HPSE2: variants seen among roughly 807,000 people sequenced by gnomAD.
The protein encoded by HPSE2 is heparanase 2 (inactive), also known as inactive heparanase-2.
In HPSE2, 38 loss-of-function variants were observed where a neutral mutation model predicts 60.5. That is an observed-to-expected ratio of 0.63 (90% CI 0.48 to 0.82). The LOEUF (loss-of-function observed/expected upper bound fraction) is 0.82. Among genes scored for constraint, HPSE2 ranks in the 40% least tolerant of loss-of-function variants. HPSE2 has a pLI of 0.00. For missense variants in HPSE2, 713 were observed against 740.4 expected (o/e 0.96, Z 0.43); for synonymous variants, 295 against 293.2 (o/e 1.01, Z -0.06).
chr10:99,038,503 G>T (rs1957661084), intron 3 of HPSE2, among the ~76,000 whole-genome samples: 1 of 152,126 alleles, frequency 6.6e-6, no homozygotes, highest in South Asian at 2.1e-4. Flanking sequence ...TTGTTGCCAG[G>T]GTTTAGGAAT....
At chr10:99,264,173 TGCCTCC>T in the HPSE2 span, among the ~76,000 whole-genome samples, 1 of 143,722 alleles carries the variant, frequency 7.0e-6, no homozygotes, top group Admixed American at 7.1e-5. Flanking sequence ...CTGCAAGCTC[TGCCTCC>T]CGGATTCACA....
chr10:99,315,200 G>A, the HPSE2 span, among the ~76,000 whole-genome samples: 4 of 152,300 alleles, frequency 2.6e-5, no homozygotes, highest in East Asian at 3.9e-4. Flanking sequence ...TTTCACAGCC[G>A]TGAGCAAAAA....
At position 98,534,175 on chromosome 10, in the gene HPSE2, T is replaced by C. The variant is rs138396484; in HGVS notation, c.1321-43979A>G. On this transcript the variant is annotated intron_variant, in intron 9 of 11. Coordinates refer to ENST00000370552, the MANE Select transcript of HPSE2 (RefSeq NM_021828.5). ...TGCTCTGAAGATCTGACAACTACTATCTGTTTTATCCTACAAGGAAATGGA... is the reference window on the plus strand; with the variant it reads ...TGCTCTGAAGATCTGACAACTACTACCTGTTTTATCCTACAAGGAAATGGA... 1.5e-3 allele frequency among the ~76,000 whole-genome samples: 224 copies of C among 152,324 alleles called. 1 individual carries two copies. The highest frequency in any genetic ancestry group is 5.1e-3 in the African/African-American group (212 of 41,574).
chr10:99,250,140 C>CT, the HPSE2 span, among the ~76,000 whole-genome samples: 69,389 of 120,534 alleles, frequency 0.58, 19,779 homozygotes, highest in South Asian at 0.67. Context: ...AAAACTCCAT[C>CT]TCAAAAAAAA....
intron 4 of HPSE2, among the ~76,000 whole-genome samples, chr10:98,725,248 G>T (rs1361349606): frequency 1.3e-5 from 2 of 152,186 alleles, no homozygotes; most frequent in South Asian, 2.1e-4. Flanking sequence ...ATACTACTAG[G>T]CTACAGTAAC....
chr10:98,833,645 A>T (rs1375246931), intron 3 of HPSE2, among the ~76,000 whole-genome samples: 1 of 152,132 alleles, frequency 6.6e-6, no homozygotes, highest in Non-Finnish European at 1.5e-5. Flanking sequence ...GATGTTATGC[A>T]AGTTACTTAA....
chr10:98,658,386 G>C (rs552369751), intron 6 of HPSE2, among the ~76,000 whole-genome samples: 11 of 152,310 alleles, frequency 7.2e-5, no homozygotes, highest in African/African-American at 2.2e-4. Flanking sequence ...CACATCACAA[G>C]GTGTTATTTT....
In HPSE2 at chr10:98,662,669, T is replaced by C. The variant is rs578149979; in HGVS notation, c.1005-20729A>G. On this transcript the variant is annotated intron_variant, in intron 6 of 11. Coordinates refer to ENST00000370552, the MANE Select transcript of HPSE2 (RefSeq NM_021828.5). ...ACCCCTGTGACATGAGTTTACCTAA[T>C]AACAAACCTGCACATGTACCACTGA... Among the ~76,000 whole-genome samples, 8 of 152,310 alleles carry C rather than the reference T, an allele frequency of 5.3e-5. No homozygotes were observed. The South Asian group carries it at 1.7e-3, about 32-fold the overall frequency.
chr10:99,308,179 G>C, the HPSE2 span, among the ~76,000 whole-genome samples: 2 of 151,872 alleles, frequency 1.3e-5, no homozygotes, highest in African/African-American at 4.8e-5. Context: ...CCTGAGATCA[G>C]GAGTTCAAGA....
chr10:98,668,953 G>C (rs533160991), intron 6 of HPSE2, among the ~76,000 whole-genome samples: 1 of 152,154 alleles, frequency 6.6e-6, no homozygotes, highest in East Asian at 1.9e-4. Context: ...ATTAACAATG[G>C]AGTAAATAGC....
chr10:98,755,098 A>G (rs1380035124), intron 3 of HPSE2, among the ~76,000 whole-genome samples: 1 of 152,104 alleles, frequency 6.6e-6, no homozygotes, highest in Admixed American at 6.6e-5. Context: ...ATAAAGAAGC[A>G]AGACCCAACT....
chr10:98,627,612 T>C (rs1388945856), intron 7 of HPSE2, among the ~76,000 whole-genome samples: 1 of 152,222 alleles, frequency 6.6e-6, no homozygotes. Context: ...ATGAGTTGTA[T>C]TACCTGTCTG....
chr10:98,751,068 C>A lies in HPSE2; in HGVS notation c.611-7012G>T, dbSNP rs563345593. On this transcript the variant is annotated intron_variant, in intron 3 of 11. Coordinates refer to ENST00000370552, the MANE Select transcript of HPSE2 (RefSeq NM_021828.5). ...CTTAATGCTGAGCATCTACTTGAGT[C>A]TCACCTTCCTTGATTCCGTATTCAG... Among the ~76,000 whole-genome samples the A allele has an allele frequency of 2.3e-4, 35 of 152,142 alleles. 1 individual carries two copies. In the South Asian group the frequency reaches 6.6e-3, roughly 29 times the overall value.
chr10:99,099,714 C>A (rs1161670702), intron 3 of HPSE2, among the ~76,000 whole-genome samples: 1 of 152,206 alleles, frequency 6.6e-6, no homozygotes, highest in Non-Finnish European at 1.5e-5. Flanking sequence ...TCCCTGATCC[C>A]CGAGTAGCCT....
At chr10:98,840,421 A>C (rs1951882814) in intron 3 of HPSE2, among the ~76,000 whole-genome samples, 2 of 152,206 alleles carry the variant, frequency 1.3e-5, no homozygotes, top group Non-Finnish European at 2.9e-5. Context: ...AGCACAGTGG[A>C]AAACTGATAG....
At chr10:98,736,920 G>A (rs1949372394) in intron 4 of HPSE2, among the ~76,000 whole-genome samples, 1 of 152,174 alleles carries the variant, frequency 6.6e-6, no homozygotes, top group Admixed American at 6.5e-5. Context: ...GTTAATGCAA[G>A]AATGACTAAA....
chr10:98,468,224 A>T (rs971470019), intron 11 of HPSE2, among the ~76,000 whole-genome samples: 1 of 152,174 alleles, frequency 6.6e-6, no homozygotes, highest in African/African-American at 2.4e-5. Flanking sequence ...CAGCTTGAAC[A>T]GGAAGTTCGT....
chr10:99,172,410 T>G (rs770389632), intron 2 of HPSE2, among the ~76,000 whole-genome samples: 5 of 152,148 alleles, frequency 3.3e-5, no homozygotes, highest in Admixed American at 1.3e-4. Flanking sequence ...GTATAATTTA[T>G]GTATGCTGGT....
chr10:98,672,901 A>G (rs767616851), intron 6 of HPSE2, among the ~76,000 whole-genome samples: 82 of 152,238 alleles, frequency 5.4e-4, no homozygotes, highest in Non-Finnish European at 8.7e-4. Context: ...ATCAAGTTTG[A>G]AAAGTGTTGC....
Sources: gnomAD v4.1 joint callset for allele counts (sites outside exome capture counted in the v4.1 genomes callset) on GRCh38, gnomAD v4.1.1 for gene constraint, MANE v1.5 for transcripts, NCBI Gene and HGNC (gene_info 2026-07-23, HGNC 2026-07-21) for gene names.